ASPG: variants seen among roughly 807,000 people sequenced by gnomAD.
The protein encoded by ASPG is asparaginase.
ASPG carries 53 observed loss-of-function variants against 63.2 expected under a neutral mutation model. The observed-to-expected ratio is 0.84, with a 90% CI of 0.67 to 1.05. The LOEUF is 1.05. ASPG is among the 50% of genes least tolerant of loss of function. The pLI is 0.00. For synonymous variants in ASPG, 370 were observed against 355.0 expected, an observed-to-expected ratio of 1.04 and a Z score of -0.48; for missense variants, 741 against 794.4, an observed-to-expected ratio of 0.93 and a Z score of 0.81.
At position 104,098,987 on chromosome 14, in the gene ASPG, C is replaced by T; in HGVS notation, c.640+8C>T. 2 of 1,580,220 alleles carry T rather than the reference C, an allele frequency of 1.3e-6. No individual in the cohort carries two copies. The highest frequency in any genetic ancestry group is 1.3e-5 in the African/African-American group (1 of 74,472). ...TGGGTGCTGACATCACAAGTAAGCC[C>T]CGCAGGAGCAGGGCCAGGTGCCTGC... On this transcript the variant is annotated splice_region_variant and intron_variant, in intron 6 of 15. Coordinates refer to ENST00000551177, the MANE Select transcript of ASPG (RefSeq NM_001080464.3).
intron 6 of ASPG, among the ~76,000 whole-genome samples, chr14:104,101,368 G>C (rs1435422868): frequency 6.6e-6 from 1 of 152,180 alleles, no homozygotes; most frequent in African/African-American, 2.4e-5. Context: ...TCGAGGGCTT[G>C]TCCTGGGCTT....
intron 9 of ASPG, 116 bp from the exon 10 acceptor site, chr14:104,105,212 C>G: frequency 6.6e-7 from 1 of 1,520,366 alleles, no homozygotes; most frequent in Non-Finnish European, 9.0e-7. Flanking sequence ...CACACACGGC[C>G]GAGGCTCAGG....
rs757607783 is a variant in ASPG at position 104,109,352 on chromosome 14, TG to T, written c.1520+42del. On this transcript the variant is annotated intron_variant, in intron 13 of 15. Transcript: ENST00000551177. This position sits in a 1 kb window ranked among gnomAD's most constrained non-coding sequence, Gnocchi z 4.8. ...TAGAGCACCTGCTCTTCCAGGGATG[TG>T]GGGGACACAGCTTGGGGAAGCGAAG... 2 of 1,569,722 alleles carry T rather than the reference TG, an allele frequency of 1.3e-6. No homozygotes were observed. Among genetic ancestry groups the T allele is most frequent in the Non-Finnish European group, 1.7e-6 (2 of 1,155,948 alleles).
chr14:104,111,591 C>T lies in ASPG; in HGVS notation c.1610C>T (p.Ala537Val). The T allele has an allele frequency of 1.3e-6, 2 of 1,550,370 alleles. No homozygotes were observed. The highest frequency in any genetic ancestry group is 1.7e-6 in the Non-Finnish European group (2 of 1,146,884). ...CAGCCGGGCTATGACGGGCACAGCG[C>T]CCTGCACGTCGTGAGTGCCCCCACC... ...LGQPGYDGHS[A>V]LHVAEAAGNL... is the part of the protein sequence containing the mutation. The change falls in exon 14 of 16, where the codon GCC becomes GTC. Residue 537 changes from alanine (A) to valine (V), a missense_variant. By Grantham distance (64) the Ala-to-Val change is moderately conservative. Transcript: ENST00000551177.
intron 4 of ASPG, 102 bp downstream of exon 4, chr14:104,095,758 C>G (rs2036570794): frequency 1.4e-6 from 2 of 1,462,100 alleles, no homozygotes; most frequent in Non-Finnish European, 1.9e-6. Flanking sequence ...GCTTCCTGCT[C>G]AGCCCAGCAG....
rs1195857486 is a variant in ASPG at position 104,109,710 on chromosome 14, G to A, written c.1520+395G>A. On this transcript the variant is annotated intron_variant, in intron 13 of 15. Coordinates refer to ENST00000551177, the MANE Select transcript of ASPG (RefSeq NM_001080464.3). The surrounding 1 kb of genome is among the most constrained non-coding windows in gnomAD (Gnocchi z 4.8). ...TGGGGCTGCATTTGGGGAGGTTGGGGCAGGTGGGGCACAGAGGAGCTGAAG... is the reference window on the plus strand; with the variant it reads ...TGGGGCTGCATTTGGGGAGGTTGGGACAGGTGGGGCACAGAGGAGCTGAAG... Among the ~76,000 whole-genome samples, 1 of 151,564 alleles carries A rather than the reference G, an allele frequency of 6.6e-6. No homozygotes were observed. The highest frequency in any genetic ancestry group is 1.5e-5 in the Non-Finnish European group (1 of 67,888).
In ASPG at chr14:104,112,782, C is replaced by A. The variant is rs1278398934; in HGVS notation, c.*238C>A. 8 of 894,354 alleles carry A rather than the reference C, an allele frequency of 8.9e-6. No individual in the cohort carries two copies. The highest frequency in any genetic ancestry group is 2.8e-5 in the East Asian group (1 of 35,364). 55.4% of individuals were successfully genotyped at this position (894,354 alleles called of 1,614,324 possible). A position where few individuals can be genotyped will look rare whatever the true frequency, so the allele number is the denominator to read the frequency against. On this transcript the variant is annotated 3_prime_UTR_variant, in exon 16 of 16. Coordinates refer to ENST00000551177, the MANE Select transcript of ASPG (RefSeq NM_001080464.3). ...CTGTGGATGTGTGTGGGGAGTCAGG[C>A]CCAGGCTCTGTGGGGTCTCTGCGGG... is the stretch of plus-strand genomic sequence containing the variant.
intron 9 of ASPG, chr14:104,105,118 C>A (rs1316665183): frequency 1.4e-6 from 1 of 725,696 alleles, no homozygotes; most frequent in Admixed American, 2.9e-5. Flanking sequence ...CTTTTGGGGC[C>A]CCTGGAGACC....
In ASPG at chr14:104,104,754, T is replaced by A; in HGVS notation, c.1050+19T>A. ...GAAGGAGGTGCGGGCGCTCTCGGGC[T>A]GTGGGCAACCCTCGGTGTGCACAAG... is the stretch of plus-strand genomic sequence containing the variant. On this transcript the variant is annotated intron_variant, in intron 9 of 15. Coordinates refer to ENST00000551177, the MANE Select transcript of ASPG (RefSeq NM_001080464.3). 1 of 1,570,002 alleles carries A rather than the reference T, an allele frequency of 6.4e-7. No homozygotes were observed. The highest frequency in any genetic ancestry group is 8.7e-7 in the Non-Finnish European group (1 of 1,152,540).
In ASPG at chr14:104,085,786, G is replaced by A. The variant is rs746166163; in HGVS notation, c.16G>A (p.Gly6Arg). ...CCGGTCCGGCATGGCGCGCGCGGTG[G>A]GGCCCGAGCGGAGGCTGCTGGCCGT... MARAVGPERRLLAVYT... is the reference protein window; with the variant it reads MARAVRPERRLLAVYT... The change falls in exon 1 of 16, where the codon GGG becomes AGG. Residue 6 changes from glycine (G) to arginine (R), a missense_variant. By Grantham distance (125) the Gly-to-Arg change is moderately radical. Transcript: ENST00000551177. The A allele has an allele frequency of 1.3e-6, 2 of 1,585,620 alleles. No individual in the cohort carries two copies. The highest frequency in any genetic ancestry group is 2.2e-5 in the South Asian group (2 of 88,954).
chr14:104,105,336 C>A lies in ASPG; in HGVS notation c.1059C>A (p.Thr353=). Residue 353 remains threonine, a synonymous_variant, in exon 10 of 16, where the codon ACC becomes ACA. Coordinates refer to ENST00000551177, the MANE Select transcript of ASPG (RefSeq NM_001080464.3). ...LSLDVRKELL[T]KDLRGEMTPP... ...TCTGTTCTCTCCACCAGCTGCTGAC[C>A]AAGGACCTTCGGGGGGAGATGACGC... 1 of 1,612,654 alleles carries A rather than the reference C, an allele frequency of 6.2e-7. No individual in the cohort carries two copies. Among genetic ancestry groups the A allele is most frequent in the Non-Finnish European group, 8.5e-7 (1 of 1,179,770 alleles).
intron 5 of ASPG, among the ~76,000 whole-genome samples, chr14:104,098,257 T>A (rs1397236830): frequency 6.6e-6 from 1 of 152,188 alleles, no homozygotes; most frequent in Non-Finnish European, 1.5e-5. Context: ...TGGAAGTTTC[T>A]ATAAAAACAG....
At chr14:104,093,639 G>A in intron 3 of ASPG, 37 bp downstream of exon 3, 1 of 983,462 alleles carries the variant, frequency 1.0e-6, no homozygotes, top group Non-Finnish European at 1.3e-6. Context: ...GGGCTGTGGT[G>A]TGTGGGTGGG....
chr14:104,095,544 A>G lies in ASPG; in HGVS notation c.317A>G (p.Gln106Arg). 1 of 1,613,030 alleles carries G rather than the reference A, an allele frequency of 6.2e-7. No individual in the cohort carries two copies. The highest frequency in any genetic ancestry group is 8.5e-7 in the Non-Finnish European group (1 of 1,179,756). The change falls in exon 4 of 16, where the codon CAG (glutamine) becomes CGG (arginine). Residue 106 changes from glutamine to arginine, a missense_variant. Coordinates refer to ENST00000551177, the MANE Select transcript of ASPG (RefSeq NM_001080464.3). ...LAQTIKRHYE[Q>R]YHGFVVIHGT... ...CCCCTCCTGCAGAGGCACTACGAGC[A>G]GTACCACGGCTTTGTGGTCATCCAC...
chr14:104,101,677 A>G (rs2141021439), intron 6 of ASPG, among the ~76,000 whole-genome samples: 1 of 152,180 alleles, frequency 6.6e-6, no homozygotes, highest in Non-Finnish European at 1.5e-5. Flanking sequence ...CAGGCCTGTC[A>G]CTCACCAGCC....
intron 7 of ASPG, among the ~76,000 whole-genome samples, chr14:104,104,044 A>G (rs1298047013): frequency 1.3e-5 from 2 of 152,128 alleles, no homozygotes; most frequent in Non-Finnish European, 2.9e-5. Flanking sequence ...CACCTCTCTG[A>G]AGTGTTTCCA....
At chr14:104,095,807 G>T (rs973759364) in intron 4 of ASPG, among the ~76,000 whole-genome samples, 151 bp downstream of exon 4, 2 of 152,118 alleles carry the variant, frequency 1.3e-5, no homozygotes, top group African/African-American at 4.8e-5. Flanking sequence ...GCTGGGGCTC[G>T]CAAATGCTCA....
intron 11 of ASPG, 23 bp downstream of exon 11, chr14:104,106,917 GCCC>G: frequency 6.4e-7 from 1 of 1,552,848 alleles, no homozygotes; most frequent in Non-Finnish European, 8.7e-7. Flanking sequence ...CACCCTGGGG[GCCC>G]AGCCCCAGCC....
At chr14:104,101,862 C>T (rs2036892607) in intron 6 of ASPG, among the ~76,000 whole-genome samples, 1 of 152,226 alleles carries the variant, frequency 6.6e-6, no homozygotes, top group Non-Finnish European at 1.5e-5. Flanking sequence ...ATCTGTAGAA[C>T]AGGGCCATAG....
Sources: allele counts gnomAD v4.1 joint callset (sites outside exome capture counted in the v4.1 genomes callset), GRCh38; gene constraint gnomAD v4.1.1; non-coding constraint Gnocchi (gnomAD v3.1); transcripts MANE v1.5; gene names NCBI Gene and HGNC (gene_info 2026-07-23, HGNC 2026-07-21).